NAALADL2: variants seen among roughly 807,000 people sequenced by gnomAD.
The protein encoded by NAALADL2 is N-acetylated alpha-linked acidic dipeptidase like 2, also known as inactive N-acetylated-alpha-linked acidic dipeptidase-like protein 2.
NAALADL2 carries 76 observed loss-of-function variants against 87.2 expected under a neutral mutation model. The observed-to-expected ratio is 0.87, with a 90% CI of 0.72 to 1.05. The LOEUF (loss-of-function observed/expected upper bound fraction) is 1.05. NAALADL2 is among the 50% of genes least tolerant of loss of function. NAALADL2 has a pLI of 0.00. For synonymous variants in NAALADL2, 354 were observed against 331.0 expected, an observed-to-expected ratio of 1.07 and a Z score of -0.75; for missense variants, 1,089 against 945.8, an observed-to-expected ratio of 1.15 and a Z score of -1.99.
At chr3:174,572,990 TAAAG>T (rs1715107511) in intron 2 of NAALADL2, among the ~76,000 whole-genome samples, 1 of 152,194 alleles carries the variant, frequency 6.6e-6, no homozygotes, top group Non-Finnish European at 1.5e-5. Flanking sequence ...ACACACCTAG[TAAAG>T]GCAGAAGCAG....
rs1473768055 is a variant in NAALADL2, at chr3:174,643,091, T to C, written c.-115+92454T>C. ...GCCACCAAATATGGCCACAAAAATA[T>C]AATTTTAAGCAAGAAAAGTGTTGGC... On this transcript the variant is annotated intron_variant, in intron 2 of 3. Transcript: ENST00000434257. Among the ~76,000 whole-genome samples the C allele has an allele frequency of 1.3e-5, 2 of 152,056 alleles. 1 individual carries two copies. Among genetic ancestry groups the C allele is most frequent in the South Asian group, 4.2e-4 (2 of 4,814 alleles).
In NAALADL2 at chr3:175,803,131, C is replaced by T. The variant is rs930834860; in HGVS notation, c.2316C>T (p.Ser772=). ...AAGCCCTGTCAGAGGTGTTGAACAGCATTAATTCAGCTCAGGTTTACTTCA... is the reference window on the plus strand; with the variant it reads ...AAGCCCTGTCAGAGGTGTTGAACAGTATTAATTCAGCTCAGGTTTACTTCA... The part of the protein sequence containing the change: ...LQEALSEVLN[S]INSAQVYFKA... The change falls in exon 14 of 14, where the codon AGC becomes AGT. Residue 772 remains serine, a synonymous_variant. Coordinates refer to ENST00000454872, the MANE Select transcript of NAALADL2 (RefSeq NM_207015.3). The T allele has an allele frequency of 6.2e-7, 1 of 1,612,292 alleles. No individual in the cohort carries two copies. The highest frequency in any genetic ancestry group is 2.2e-5 in the East Asian group (1 of 44,832).
chr3:174,575,104 G>A (rs1388183168), intron 2 of NAALADL2, among the ~76,000 whole-genome samples: 2 of 151,930 alleles, frequency 1.3e-5, no homozygotes, highest in Non-Finnish European at 2.9e-5. Context: ...TTTTAACAAA[G>A]TGATTGTACC....
At chr3:174,684,473 G>C (rs1468796307) in intron 2 of NAALADL2, among the ~76,000 whole-genome samples, 1 of 151,980 alleles carries the variant, frequency 6.6e-6, no homozygotes, top group Non-Finnish European at 1.5e-5. Context: ...AAGCTAGTTT[G>C]AGTAATTGCA....
intron 9 of NAALADL2, among the ~76,000 whole-genome samples, chr3:175,524,549 C>G (rs1195454187): frequency 6.6e-6 from 1 of 152,036 alleles, no homozygotes; most frequent in East Asian, 1.9e-4. Flanking sequence ...GATTTCTCTT[C>G]CTTATATAGT....
chr3:175,625,525 T>C (rs1726861192), intron 10 of NAALADL2, among the ~76,000 whole-genome samples: 1 of 151,982 alleles, frequency 6.6e-6, no homozygotes, highest in Admixed American at 6.6e-5. Flanking sequence ...CTGTGCGTAG[T>C]GTTTTTGCTG....
chr3:174,882,873 G>GTGTATATGTGTATATA (rs1560320126), intron 1 of NAALADL2, among the ~76,000 whole-genome samples: 13 of 145,790 alleles, frequency 8.9e-5, no homozygotes, highest in African/African-American at 3.4e-4. Context: ...ATGTGTATAT[G>GTGTATATGTGTATATA]TGTATATGTG....
chr3:174,858,977 T>TG (rs1314751645), upstream of NAALADL2, among the ~76,000 whole-genome samples: 1 of 152,070 alleles, frequency 6.6e-6, no homozygotes, highest in Non-Finnish European at 1.5e-5. Flanking sequence ...AAAATAAATG[T>TG]CGTGTAATAC....
At chr3:175,424,218 C>G (rs1716389448) in intron 5 of NAALADL2, among the ~76,000 whole-genome samples, 1 of 152,182 alleles carries the variant, frequency 6.6e-6, no homozygotes, top group Admixed American at 6.5e-5. Context: ...TGCCTGTTCA[C>G]TCTAATGGTA....
At chr3:175,679,034 T>C (rs1296878549) in intron 11 of NAALADL2, among the ~76,000 whole-genome samples, 1 of 149,466 alleles carries the variant, frequency 6.7e-6, no homozygotes, top group Non-Finnish European at 1.5e-5. Context: ...GGTTGTTCTC[T>C]AGCTGGTAGG....
In NAALADL2 at chr3:175,804,659, G is replaced by C; in HGVS notation, c.*1456G>C. The C allele has an allele frequency of 6.6e-6, 1 of 151,688 alleles. No individual in the cohort carries two copies. The highest frequency in any genetic ancestry group is 1.9e-4 in the East Asian group (1 of 5,164). The allele number at this position is 151,688 out of a possible 1,614,324, so 9.4% of individuals were successfully genotyped here. ...CACCGCCAGAGTGACATTGCAGACA[G>C]TCTGTGTATGTTTAAATTTTCACTT... On this transcript the variant is annotated 3_prime_UTR_variant, in exon 14 of 14. Coordinates refer to ENST00000454872, the MANE Select transcript of NAALADL2 (RefSeq NM_207015.3).
chr3:174,669,246 C>T (rs995132591), intron 2 of NAALADL2, among the ~76,000 whole-genome samples: 5 of 118,968 alleles, frequency 4.2e-5, no homozygotes, highest in East Asian at 2.7e-4. Flanking sequence ...TCATATCCTT[C>T]GCCTACTTTT....
intron 5 of NAALADL2, 23 bp from the exon 6 acceptor site, chr3:175,447,198 AGGATTATC>A (rs1560566449): frequency 6.8e-6 from 10 of 1,473,350 alleles, no homozygotes; most frequent in Non-Finnish European, 9.1e-6. Context: ...CTGTTTACTA[AGGATTATC>A]TTCCTTTGTC....
chr3:174,575,856 A>G (rs963530595), intron 2 of NAALADL2, among the ~76,000 whole-genome samples: 1 of 152,000 alleles, frequency 6.6e-6, no homozygotes, highest in African/African-American at 2.4e-5. Context: ...GAGTATATAT[A>G]GTTTGTTTGT....
intron 1 of NAALADL2, among the ~76,000 whole-genome samples, chr3:175,072,544 C>T (rs6773248): frequency 0.11 from 16,298 of 151,464 alleles, 1,001 homozygotes; most frequent in East Asian, 0.21. Context: ...TGAGTTACCT[C>T]TGCAACTTAA....
At chr3:175,036,549 GC>G (rs1425231109) in intron 1 of NAALADL2, among the ~76,000 whole-genome samples, 2 of 151,848 alleles carry the variant, frequency 1.3e-5, no homozygotes, top group African/African-American at 4.8e-5. Context: ...ACAGGCACCT[GC>G]CACCACACCC....
chr3:174,823,884 T>C (rs1579079769), intron 3 of NAALADL2, among the ~76,000 whole-genome samples: 1 of 152,310 alleles, frequency 6.6e-6, no homozygotes, highest in East Asian at 1.9e-4. Context: ...CTAATTTTTG[T>C]ATTTTTAGTA....
chr3:175,304,851 C>A (rs991597693), intron 4 of NAALADL2, among the ~76,000 whole-genome samples: 5 of 151,970 alleles, frequency 3.3e-5, no homozygotes, highest in African/African-American at 1.2e-4. Context: ...CCTTTATTTT[C>A]TACTTTATTT....
At chr3:174,621,354 G>T (rs1720974488) in intron 2 of NAALADL2, among the ~76,000 whole-genome samples, 1 of 151,974 alleles carries the variant, frequency 6.6e-6, no homozygotes, top group African/African-American at 2.4e-5. Flanking sequence ...AATAGCAGTT[G>T]GATCATTTTC....
Sources: allele counts gnomAD v4.1 joint callset (sites outside exome capture counted in the v4.1 genomes callset), GRCh38; gene constraint gnomAD v4.1.1; transcripts MANE v1.5; gene names NCBI Gene and HGNC (gene_info 2026-07-23, HGNC 2026-07-21).